The following EPM2A variants were observed in gnomAD, a reference collection of about 807,000 sequenced individuals.
The protein encoded by EPM2A is EPM2A glucan phosphatase, laforin.
In EPM2A, 21 loss-of-function variants were observed where a neutral mutation model predicts 26.5. The ratio of observed to expected loss-of-function variants is 0.79; its 90% CI spans 0.56 to 1.14. EPM2A has a LOEUF of 1.14. Ranked by LOEUF, EPM2A falls within the 50% of genes most tolerant of loss-of-function variation. The probability of loss-of-function intolerance (pLI) is 0.00; values close to 1 mark genes in which losing one functional copy is unlikely to be tolerated. For synonymous variants in EPM2A, 217 were observed against 177.6 expected, an observed-to-expected ratio of 1.22 and a Z score of -1.76; for missense variants, 458 against 440.8, an observed-to-expected ratio of 1.04 and a Z score of -0.35.
At chr6:145,539,547 G>A (rs1780479188) in intron 2 of EPM2A, among the ~76,000 whole-genome samples, 1 of 152,152 alleles carries the variant, frequency 6.6e-6, no homozygotes, top group African/African-American at 2.4e-5. Flanking sequence ...AGACAGAAAA[G>A]GAGAGAATGT....
At chr6:145,466,107 G>C (rs1214812765) in intron 4 of EPM2A, among the ~76,000 whole-genome samples, 1 of 151,600 alleles carries the variant, frequency 6.6e-6, no homozygotes, top group African/African-American at 2.4e-5. Context: ...AACACCAAAA[G>C]CAATGGCAAC....
chr6:145,479,466 T>C (rs948163463), intron 4 of EPM2A, among the ~76,000 whole-genome samples: 1 of 151,830 alleles, frequency 6.6e-6, no homozygotes, highest in African/African-American at 2.4e-5. Flanking sequence ...ACCTCTTATC[T>C]ACTTTATGTC....
At chr6:145,611,105 T>A (rs1397279897) in intron 2 of EPM2A, among the ~76,000 whole-genome samples, 1 of 152,140 alleles carries the variant, frequency 6.6e-6, no homozygotes, top group African/African-American at 2.4e-5. Context: ...TTAAAGCATA[T>A]ATGAAAAAAT....
At chr6:145,639,465 G>A (rs1776926954) in intron 2 of EPM2A, 1 of 152,058 alleles carries the variant, frequency 6.6e-6, no homozygotes, top group South Asian at 2.1e-4. Flanking sequence ...TTTGATTTTT[G>A]GTCTGTTTAG....
intron 4 of EPM2A, among the ~76,000 whole-genome samples, chr6:145,394,003 T>G (rs1351011556): frequency 6.6e-6 from 1 of 151,950 alleles, no homozygotes; most frequent in Non-Finnish European, 1.5e-5. Context: ...TTTTGTATCT[T>G]TAGTAGAGTC....
chr6:145,523,083 T>G (rs961443064), intron 2 of EPM2A, among the ~76,000 whole-genome samples: 1 of 152,184 alleles, frequency 6.6e-6, no homozygotes, highest in African/African-American at 2.4e-5. Flanking sequence ...TACTGTAAAT[T>G]TTACTTTGAA....
chr6:145,482,221 A>T (rs1387385989), intron 4 of EPM2A, among the ~76,000 whole-genome samples: 2 of 152,184 alleles, frequency 1.3e-5, no homozygotes, highest in East Asian at 3.8e-4. Flanking sequence ...TGTGGCAATG[A>T]TAATAAATTA....
At chr6:145,713,089 C>A (rs1287296382) in intron 1 of EPM2A, among the ~76,000 whole-genome samples, 2 of 152,146 alleles carry the variant, frequency 1.3e-5, no homozygotes, top group Non-Finnish European at 2.9e-5. Flanking sequence ...CCATTTTCCA[C>A]AAATTTTTTA....
chr6:145,473,976 C>G (rs1779508653), intron 4 of EPM2A, among the ~76,000 whole-genome samples: 1 of 151,892 alleles, frequency 6.6e-6, no homozygotes, highest in African/African-American at 2.4e-5. Context: ...TCTGAAGGTA[C>G]AAAACTTAAT....
intron 4 of EPM2A, among the ~76,000 whole-genome samples, chr6:145,437,378 T>C (rs1441773025): frequency 6.6e-6 from 1 of 152,218 alleles, no homozygotes; most frequent in African/African-American, 2.4e-5. Flanking sequence ...CCCAGTCTCA[T>C]GGTCTCAGGT....
intron 1 of EPM2A, among the ~76,000 whole-genome samples, chr6:145,699,152 G>A (rs555589852): frequency 3.5e-4 from 54 of 152,262 alleles, no homozygotes; most frequent in African/African-American, 1.2e-3. Context: ...TCCTATGCTA[G>A]GAAGGGGTAA....
chr6:145,395,412 C>A (rs1304972738), intron 4 of EPM2A, among the ~76,000 whole-genome samples: 1 of 152,112 alleles, frequency 6.6e-6, no homozygotes, highest in Non-Finnish European at 1.5e-5. Flanking sequence ...ATGGGGGTAA[C>A]AATCAGCCCA....
At chr6:145,568,120 T>A (rs1323582175) in intron 2 of EPM2A, among the ~76,000 whole-genome samples, 1 of 152,150 alleles carries the variant, frequency 6.6e-6, no homozygotes, top group African/African-American at 2.4e-5. Context: ...TTATGATAGG[T>A]CTATAATAAG....
At chr6:145,384,339 G>GGTCATTTGTAAATGACCAAAGC (rs1175661953) in intron 4 of EPM2A, among the ~76,000 whole-genome samples, 5 of 122,784 alleles carry the variant, frequency 4.1e-5, no homozygotes, top group East Asian at 2.2e-4. Flanking sequence ...GCTGTTGTAA[G>GGTCATTTGTAAATGACCAAAGC]TTGGATTTCT....
At chr6:145,555,830 C>T (rs1022611895) in intron 2 of EPM2A, among the ~76,000 whole-genome samples, 8 of 152,122 alleles carry the variant, frequency 5.3e-5, no homozygotes, top group Admixed American at 1.3e-4. Flanking sequence ...ACACTCCCCC[C>T]ACCTTCTGAT....
At chr6:145,636,757 T>C (rs1776716570) in intron 2 of EPM2A, 1 of 151,886 alleles carries the variant, frequency 6.6e-6, no homozygotes. Flanking sequence ...ACCTCGTCTC[T>C]AGTAAAATTA....
intron 2 of EPM2A, among the ~76,000 whole-genome samples, chr6:145,657,789 C>G (rs117848448): frequency 1.2e-3 from 189 of 152,266 alleles, no homozygotes; most frequent in Non-Finnish European, 2.2e-3. Flanking sequence ...ATTTCAAGTT[C>G]TAATCAAAAA....
chr6:145,431,967 A>T (rs1162434106), intron 4 of EPM2A, among the ~76,000 whole-genome samples: 1 of 152,216 alleles, frequency 6.6e-6, no homozygotes, highest in Non-Finnish European at 1.5e-5. Flanking sequence ...TTCACCAGGA[A>T]GAGATACCAT....
At chr6:145,501,989 G>A (rs1295824773) in intron 3 of EPM2A, 7 of 392,026 alleles carry the variant, frequency 1.8e-5, no homozygotes, top group East Asian at 7.2e-5. Context: ...GAAGAGTCTC[G>A]AATTGAACCC....
Sources: gnomAD v4.1 joint callset for allele counts (sites outside exome capture counted in the v4.1 genomes callset) on GRCh38, gnomAD v4.1.1 for gene constraint, MANE v1.5 for transcripts, NCBI Gene and HGNC (gene_info 2026-07-23, HGNC 2026-07-21) for gene names.